Variants in DIMT1 observed in about 807,000 individuals in gnomAD.
DIMT1 encodes the protein DIM1 rRNA methyltransferase and ribosome maturation factor.
In DIMT1, 36 loss-of-function variants were observed where a neutral mutation model predicts 43.2. The ratio of observed to expected loss-of-function variants is 0.83; its 90% confidence interval spans 0.64 to 1.10. The LOEUF (loss-of-function observed/expected upper bound fraction) is 1.10. DIMT1 is among the 50% of genes least tolerant of loss of function. The pLI, the probability that DIMT1 is intolerant of heterozygous loss-of-function variation, is 0.00. For missense variants in DIMT1, 341 were observed against 385.3 expected (o/e 0.88, Z 0.96); for synonymous variants, 126 against 130.3 (o/e 0.97, Z 0.22).
At position 62,402,186 on chromosome 5, in the gene DIMT1, C is replaced by T. The variant is rs2112058528; in HGVS notation, c.154-64G>A. 1.7e-5 allele frequency: 26 copies of T among 1,507,144 alleles called. 1 individual carries two copies. The South Asian group carries it at 2.7e-4, about 16-fold the overall frequency. 93.4% of individuals were successfully genotyped at this position (1,507,144 alleles called of 1,614,324 possible). A position where few individuals can be genotyped will look rare whatever the true frequency, so the allele number is the denominator to read the frequency against. ...ATCAGAACACAGAAGTTAATTTACACCTGAACATCTTTACTCATATGTGCT... is the reference window on the plus strand; with the variant it reads ...ATCAGAACACAGAAGTTAATTTACATCTGAACATCTTTACTCATATGTGCT... On this transcript the variant is annotated intron_variant, in intron 2 of 11. Coordinates refer to ENST00000199320, the MANE Select transcript of DIMT1 (RefSeq NM_014473.4).
intron 6 of DIMT1, among the ~76,000 whole-genome samples, chr5:62,396,697 A>G (rs1742508949): frequency 6.6e-6 from 1 of 151,972 alleles, no homozygotes; most frequent in South Asian, 2.1e-4. Flanking sequence ...TTCTCAAAAC[A>G]CTCTTGTAAT....
At chr5:62,401,067 C>A (rs1391846236) in intron 3 of DIMT1, among the ~76,000 whole-genome samples, 1 of 152,176 alleles carries the variant, frequency 6.6e-6, no homozygotes, top group African/African-American at 2.4e-5. Flanking sequence ...GATCTATTAT[C>A]CGCTTTTCTC....
intron 3 of DIMT1, among the ~76,000 whole-genome samples, chr5:62,401,495 CAAAAAAAAAAAAA>C: frequency 1.7e-5 from 1 of 60,530 alleles, no homozygotes; most frequent in East Asian, 5.0e-4. Flanking sequence ...ATTCCCTCTC[CAAAAAAAAAAAAA>C]AAAAAAAAAA....
At chr5:62,393,249 T>A (rs528591681) in intron 8 of DIMT1, among the ~76,000 whole-genome samples, 8 of 152,136 alleles carry the variant, frequency 5.3e-5, no homozygotes, top group South Asian at 2.1e-4. Context: ...TTTTTTTTTT[T>A]AATTTGAAAA....
In DIMT1 at chr5:62,398,050, G is replaced by A. The variant is rs559886506; in HGVS notation, c.446+461C>T. Among the ~76,000 whole-genome samples the A allele has an allele frequency of 5.9e-5, 9 of 152,102 alleles. No homozygotes were observed. The South Asian group carries it at 1.7e-3, about 28-fold the overall frequency. On this transcript the variant is annotated intron_variant, in intron 6 of 11. Transcript: ENST00000199320. ...CAGAGTTCATGTTGCTCTGATAGGG[G>A]CTCTTTTCAAACTGATGTCTTATCC... is the stretch of plus-strand genomic sequence containing the variant.
At chr5:62,402,582 C>T (rs902091590) in intron 2 of DIMT1, among the ~76,000 whole-genome samples, 36 of 152,324 alleles carry the variant, frequency 2.4e-4, no homozygotes, top group South Asian at 2.1e-4. Context: ...TAATATTCTA[C>T]GGCCATAGCT....
chr5:62,396,000 A>G (rs2112044354), intron 6 of DIMT1, among the ~76,000 whole-genome samples: 1 of 152,010 alleles, frequency 6.6e-6, no homozygotes, highest in Non-Finnish European at 1.5e-5. Flanking sequence ...TCAGAAAAAG[A>G]AAAAAAAGAA....
In DIMT1 at chr5:62,389,062, GA is replaced by G. The variant is rs371744632; in HGVS notation, c.900-11del. 115 of 1,582,812 alleles carry G rather than the reference GA, an allele frequency of 7.3e-5. No homozygotes were observed. In the African/African-American group the frequency reaches 1.3e-3, roughly 18 times the overall value. On this transcript the variant is annotated splice_polypyrimidine_tract_variant and intron_variant, in intron 11 of 11. Transcript: ENST00000199320. ...GAATCCATGTAGCAATCTGAAAAAA[GA>G]AATCAAAATGGAATGGTACTGAAAA...
intron 2 of DIMT1, among the ~76,000 whole-genome samples, chr5:62,402,441 G>A (rs548348594): frequency 6.6e-6 from 1 of 152,124 alleles, no homozygotes; most frequent in Admixed American, 6.6e-5. Flanking sequence ...TTCTCTGTTC[G>A]TATCAACAAG....
intron 3 of DIMT1, among the ~76,000 whole-genome samples, chr5:62,400,708 C>G (rs944564254): frequency 3.3e-5 from 5 of 151,828 alleles, no homozygotes; most frequent in African/African-American, 1.2e-4. Flanking sequence ...ACCCTGTTTA[C>G]ATGGTAAACA....
chr5:62,392,775 C>T, intron 9 of DIMT1, 151 bp downstream of exon 9: 1 of 476,140 alleles, frequency 2.1e-6, no homozygotes, highest in East Asian at 3.4e-5. Context: ...GCTTTAGAGC[C>T]TCCCAAGCTC....
rs1221706888 is a variant in DIMT1, at chr5:62,398,840, AAGTTC to A, written c.277_281del (p.Glu93SerfsTer19). On this transcript the variant is annotated frameshift_variant, in exon 4 of 12. Transcript: ENST00000199320. LOFTEE classifies it high-confidence loss of function. ...CTCACGTGCCCTGAACTCTTTTGTG[AAGTTC>A]AGCTACTAGCCTTGGGTCAAGTTCA... is the stretch of plus-strand genomic sequence containing the variant. The A allele has an allele frequency of 6.2e-7, 1 of 1,613,882 alleles. No individual in the cohort carries two copies. Among genetic ancestry groups the A allele is most frequent in the African/African-American group, 1.3e-5 (1 of 75,062 alleles).
At chr5:62,398,415 G>T in intron 6 of DIMT1, 96 bp downstream of exon 6, 1 of 1,243,786 alleles carries the variant, frequency 8.0e-7, no homozygotes, top group Non-Finnish European at 1.2e-6. Context: ...TTCTTCAGTA[G>T]TTTTTCAACT....
In DIMT1 at chr5:62,389,003, C is replaced by T. The variant is rs962535152; in HGVS notation, c.*7G>A. On this transcript the variant is annotated 3_prime_UTR_variant, in exon 12 of 12. Coordinates refer to ENST00000199320, the MANE Select transcript of DIMT1 (RefSeq NM_014473.4). Reference sequence around the variant, plus strand: ...CTTGACCTTGAAAATTTCTGTTTTCCAAATACCTAGGAAAAATGAATACCT... The same window carrying T: ...CTTGACCTTGAAAATTTCTGTTTTCTAAATACCTAGGAAAAATGAATACCT... 6.2e-6 allele frequency: 10 copies of T among 1,605,190 alleles called. No homozygotes were observed. The highest frequency in any genetic ancestry group is 8.5e-6 in the Non-Finnish European group (10 of 1,177,290).
Position 62,390,990 on chromosome 5 carries a change from T to C in DIMT1, c.793-8A>G, listed in dbSNP as rs1402371555. On this transcript the variant is annotated splice_polypyrimidine_tract_variant and splice_region_variant and intron_variant, in intron 10 of 11. Transcript: ENST00000199320. Reference sequence around the variant, plus strand: ...GAAATCTTCTGGTATTATCTATCAATATAAGATTCAGAATAAATGAACGAC... The same window carrying C: ...GAAATCTTCTGGTATTATCTATCAACATAAGATTCAGAATAAATGAACGAC... 1.2e-6 allele frequency: 2 copies of C among 1,608,444 alleles called. No individual in the cohort carries two copies. The highest frequency in any genetic ancestry group is 1.1e-5 in the South Asian group (1 of 90,976).
rs1176387171 is a variant in DIMT1, at chr5:62,388,952, C to CA, written c.*57dup. On this transcript the variant is annotated 3_prime_UTR_variant, in exon 12 of 12. Coordinates refer to ENST00000199320, the MANE Select transcript of DIMT1 (RefSeq NM_014473.4). Reference sequence around the variant, plus strand: ...AGCAAAAGCATTATCTTCTCAAATACAAAAAATACAAAATTCATTTCTTTT... The same window carrying CA: ...AGCAAAAGCATTATCTTCTCAAATACAAAAAAATACAAAATTCATTTCTTTT... 1.3e-6 allele frequency: 2 copies of CA among 1,515,606 alleles called. No homozygotes were observed. Among genetic ancestry groups the CA allele is most frequent in the East Asian group, 2.3e-5 (1 of 44,144 alleles). The allele number at this position is 1,515,606 out of a possible 1,614,324, so 93.9% of individuals were successfully genotyped here. A position where few individuals can be genotyped will look rare whatever the true frequency, so the allele number is the denominator to read the frequency against.
intron 10 of DIMT1, 23 bp downstream of exon 10, chr5:62,392,148 T>C (rs1255686392): frequency 3.7e-6 from 6 of 1,608,068 alleles, no homozygotes; most frequent in Admixed American, 1.7e-5. Context: ...TCAATGAAAC[T>C]GCAGGAACAT....
intron 9 of DIMT1, among the ~76,000 whole-genome samples, chr5:62,392,634 G>A (rs988588849): frequency 2.0e-5 from 3 of 151,994 alleles, no homozygotes; most frequent in African/African-American, 7.3e-5. Flanking sequence ...GTGTGGAAGG[G>A]GTCCATCATC....
chr5:62,396,151 T>TTTTTTTTTTTTTTTTTTTTTA (rs931809201), intron 6 of DIMT1, among the ~76,000 whole-genome samples: 1 of 148,186 alleles, frequency 6.7e-6, no homozygotes, highest in African/African-American at 2.5e-5. Context: ...TTTTTTTTTT[T>TTTTTTTTTTTTTTTTTTTTTA]ACATTATTAA....
Sources: allele counts gnomAD v4.1 joint callset (sites outside exome capture counted in the v4.1 genomes callset), GRCh38; gene constraint gnomAD v4.1.1; transcripts MANE v1.5; gene names NCBI Gene and HGNC (gene_info 2026-07-23, HGNC 2026-07-21).